GLMN: variants seen among roughly 807,000 people sequenced by gnomAD.
GLMN encodes glomulin, FKBP associated protein.
A neutral mutation model predicts 87.8 loss-of-function variants in GLMN; 75 were observed. The observed-to-expected ratio is 0.85, with a 90% CI of 0.71 to 1.04. The LOEUF (loss-of-function observed/expected upper bound fraction) is 1.04, where lower values mean the gene tolerates loss of function less well. Among genes scored for constraint, GLMN ranks in the 50% least tolerant of loss-of-function variants. The probability of loss-of-function intolerance (pLI) is 0.00; values close to 1 mark genes in which losing one functional copy is unlikely to be tolerated. For missense variants in GLMN, 588 were observed against 658.8 expected, an observed-to-expected ratio of 0.89 and a Z score of 1.18; for synonymous variants, 206 against 221.6, an observed-to-expected ratio of 0.93 and a Z score of 0.63.
chr1:92,246,848 T>C (rs1038666830), intron 18 of GLMN, among the ~76,000 whole-genome samples: 4 of 152,176 alleles, frequency 2.6e-5, no homozygotes, highest in African/African-American at 7.2e-5. Flanking sequence ...CTGAGCAACA[T>C]AGTGAGACCC....
At chr1:92,296,216 A>T (rs551716943) in intron 3 of GLMN, among the ~76,000 whole-genome samples, 1 of 152,346 alleles carries the variant, frequency 6.6e-6, no homozygotes, top group East Asian at 1.9e-4. Context: ...CTTCTAATAA[A>T]TAAGTAGCAC....
chr1:92,262,701 G>T (rs1570878829), intron 16 of GLMN, among the ~76,000 whole-genome samples, 162 bp downstream of exon 16: 1 of 152,214 alleles, frequency 6.6e-6, no homozygotes, highest in East Asian at 1.9e-4. Context: ...GGTGGTAAAT[G>T]CTCCTGGGAA....
chr1:92,344,074 T>C, the GLMN span, among the ~76,000 whole-genome samples: 1 of 152,184 alleles, frequency 6.6e-6, no homozygotes, highest in Non-Finnish European at 1.5e-5. Context: ...TTTACTGCCA[T>C]AAACAATATT....
At chr1:92,326,147 A>T in the GLMN span, among the ~76,000 whole-genome samples, 9 of 152,096 alleles carry the variant, frequency 5.9e-5, no homozygotes, top group African/African-American at 2.2e-4. Context: ...TTCCACTACT[A>T]CTATATGGGA....
the GLMN span, among the ~76,000 whole-genome samples, chr1:92,369,859 A>C: frequency 7.6e-4 from 116 of 152,264 alleles, no homozygotes; most frequent in African/African-American, 2.7e-3. Context: ...AAGAAAGATA[A>C]CCTGAAAGTA....
chr1:92,283,581 A>T (rs557833421), intron 7 of GLMN, among the ~76,000 whole-genome samples: 1 of 152,340 alleles, frequency 6.6e-6, no homozygotes, highest in South Asian at 2.1e-4. Flanking sequence ...GCCCTCTCTC[A>T]CCACTCCTAT....
At chr1:92,279,717 C>CA (rs1647759332) in intron 7 of GLMN, among the ~76,000 whole-genome samples, 1 of 152,206 alleles carries the variant, frequency 6.6e-6, no homozygotes, top group Non-Finnish European at 1.5e-5. Context: ...GAAGCCGTGA[C>CA]AGACTGTTTC....
the GLMN span, among the ~76,000 whole-genome samples, chr1:92,361,003 C>T: frequency 2.0e-5 from 3 of 151,540 alleles, no homozygotes; most frequent in African/African-American, 7.3e-5. Flanking sequence ...TTTACCTTCC[C>T]CTGCCTTCTC....
At chr1:92,263,404 A>G (rs1570881390) in intron 15 of GLMN, among the ~76,000 whole-genome samples, 1 of 152,222 alleles carries the variant, frequency 6.6e-6, no homozygotes, top group East Asian at 1.9e-4. Context: ...AAGCTATCAA[A>G]TCATAGTGCT....
At position 92,267,912 on chromosome 1, in the gene GLMN, C is replaced by T. The variant is rs781104597; in HGVS notation, c.1098+1G>A. On this transcript the variant is annotated splice_donor_variant, in intron 11 of 18. Coordinates refer to ENST00000370360, the MANE Select transcript of GLMN (RefSeq NM_053274.3). LOFTEE classifies it high-confidence loss of function. ...AATATTAGAATACATATTTTATTTA[C>T]CTGAGGTACAGTAAGAAAACTCTTG... The T allele has an allele frequency of 7.7e-7, 1 of 1,298,524 alleles. No individual in the cohort carries two copies. The highest frequency in any genetic ancestry group is 1.2e-5 in the South Asian group (1 of 84,694). 80.4% of individuals were successfully genotyped at this position (1,298,524 alleles called of 1,614,324 possible).
chr1:92,303,986 A>G, upstream of GLMN: 1 of 1,606,912 alleles, frequency 6.2e-7, no homozygotes, highest in Middle Eastern at 1.7e-4. Context: ...GGGGAGGTTC[A>G]TTACACCTGC....
the GLMN span, among the ~76,000 whole-genome samples, chr1:92,339,979 AGCTG>A: frequency 6.6e-6 from 1 of 152,220 alleles, no homozygotes. Flanking sequence ...AAACATGATT[AGCTG>A]GGAGTTGGTA....
intron 8 of GLMN, 144 bp from the exon 9 acceptor site, chr1:92,269,920 T>C (rs1415937754): frequency 3.2e-6 from 2 of 632,792 alleles, no homozygotes; most frequent in Admixed American, 2.4e-5. Flanking sequence ...AATTTGACCT[T>C]ATTTGGAGAT....
At chr1:92,268,174 C>G (rs1435699659) in intron 9 of GLMN, 39 bp from the exon 10 acceptor site, 1 of 1,101,234 alleles carries the variant, frequency 9.1e-7, no homozygotes, top group Non-Finnish European at 1.4e-6. Flanking sequence ...AATTTGTAAA[C>G]TATTTTAGAA....
the GLMN span, among the ~76,000 whole-genome samples, chr1:92,368,668 A>G: frequency 1.3e-5 from 2 of 152,326 alleles, no homozygotes; most frequent in Middle Eastern, 3.4e-3. Context: ...TATCTTGCCC[A>G]AACTTGGAAA....
chr1:92,299,218 C>A, upstream of GLMN: 1 of 946,614 alleles, frequency 1.1e-6, no homozygotes, highest in Non-Finnish European at 1.5e-6. Context: ...TAGACCGCAG[C>A]GCGCGGGCGC....
chr1:92,286,657 A>C (rs776169579), intron 6 of GLMN, 65 bp from the exon 7 acceptor site: 23 of 808,710 alleles, frequency 2.8e-5, no homozygotes, highest in Non-Finnish European at 5.1e-5. Flanking sequence ...CTAGGTCTTC[A>C]AATCTAAGTT....
At chr1:92,348,056 C>T in the GLMN span, among the ~76,000 whole-genome samples, 1 of 152,010 alleles carries the variant, frequency 6.6e-6, no homozygotes, top group Admixed American at 6.6e-5. Context: ...ATTACAGGCA[C>T]CTGCCACCAT....
the GLMN span, among the ~76,000 whole-genome samples, chr1:92,367,878 T>A: frequency 6.6e-6 from 1 of 152,354 alleles, no homozygotes; most frequent in East Asian, 1.9e-4. Flanking sequence ...AATTTGGAAA[T>A]AAATTATGAA....
Sources: gnomAD v4.1 joint callset for allele counts (sites outside exome capture counted in the v4.1 genomes callset) on GRCh38, gnomAD v4.1.1 for gene constraint, MANE v1.5 for transcripts, NCBI Gene and HGNC (gene_info 2026-07-23, HGNC 2026-07-21) for gene names.